AGBL1: variants seen among roughly 807,000 people sequenced by gnomAD.
AGBL1 encodes the protein AGBL carboxypeptidase 1, also known as cytosolic carboxypeptidase 4.
In AGBL1, 130 loss-of-function variants were observed where a neutral mutation model predicts 118.9. The ratio of observed to expected loss-of-function variants is 1.09; its 90% confidence interval spans 0.95 to 1.26. The LOEUF is 1.26. Ranked by LOEUF, AGBL1 falls within the 50% of genes most tolerant of loss-of-function variation. AGBL1 has a pLI of 0.00. For synonymous variants in AGBL1, 555 were observed against 478.9 expected, an observed-to-expected ratio of 1.16 and a Z score of -2.08; for missense variants, 1,584 against 1,298.1, an observed-to-expected ratio of 1.22 and a Z score of -3.38.
chr15:86,533,928 C>G (rs1415811712), intron 19 of AGBL1, among the ~76,000 whole-genome samples: 1 of 83,610 alleles, frequency 1.2e-5, no homozygotes. Flanking sequence ...CACATGGTCA[C>G]AGGAAGGGGA....
intron 22 of AGBL1, among the ~76,000 whole-genome samples, chr15:86,733,917 G>A (rs1169257292): frequency 6.6e-6 from 1 of 151,916 alleles, no homozygotes; most frequent in East Asian, 1.9e-4. Context: ...TACTGCTGAT[G>A]AGACTACACA....
chr15:86,820,186 C>T (rs1288191251), intron 22 of AGBL1, among the ~76,000 whole-genome samples: 1 of 151,926 alleles, frequency 6.6e-6, no homozygotes, highest in African/African-American at 2.4e-5. Context: ...AACTATAAAG[C>T]TTCTGGAAGA....
intron 19 of AGBL1, among the ~76,000 whole-genome samples, chr15:86,533,888 C>A (rs1273259604): frequency 5.5e-5 from 5 of 90,428 alleles, no homozygotes; most frequent in Non-Finnish European, 1.0e-4. Context: ...CGCATATTCT[C>A]ACTCATAGGT....
intron 21 of AGBL1, among the ~76,000 whole-genome samples, chr15:86,647,543 A>T (rs2085303171): frequency 6.6e-6 from 1 of 152,170 alleles, no homozygotes; most frequent in Non-Finnish European, 1.5e-5. Flanking sequence ...TCTACTAAAA[A>T]TACAAAAATT....
At chr15:86,404,398 A>G (rs1458171767) in intron 18 of AGBL1, among the ~76,000 whole-genome samples, 3 of 152,236 alleles carry the variant, frequency 2.0e-5, no homozygotes, top group East Asian at 3.9e-4. Context: ...CTTCTGTTCT[A>G]TGGCTCACTT....
chr15:86,439,127 CAGGGG>C (rs953225497), intron 18 of AGBL1, among the ~76,000 whole-genome samples: 55 of 152,204 alleles, frequency 3.6e-4, no homozygotes, highest in African/African-American at 1.3e-3. Flanking sequence ...GCAGTGTATA[CAGGGG>C]AGCAGCATCT....
chr15:86,798,281 G>A (rs1214914319), intron 22 of AGBL1, among the ~76,000 whole-genome samples: 1 of 152,182 alleles, frequency 6.6e-6, no homozygotes, highest in Non-Finnish European at 1.5e-5. Flanking sequence ...TGACTACTAA[G>A]GAGTCTGGGA....
At chr15:86,369,541 A>C (rs963822065) in intron 17 of AGBL1, among the ~76,000 whole-genome samples, 67 of 152,194 alleles carry the variant, frequency 4.4e-4, no homozygotes, top group Non-Finnish European at 8.4e-4. Flanking sequence ...ACACAAAATC[A>C]GTTGGTTAAA....
At chr15:86,773,516 C>A (rs146164730) in intron 22 of AGBL1, among the ~76,000 whole-genome samples, 4,934 of 123,836 alleles carry the variant, frequency 0.04, 233 homozygotes, top group African/African-American at 0.1. Flanking sequence ...CCCCACCCCA[C>A]AACAGGCCCT....
upstream of AGBL1, chr15:86,079,695 G>A (rs1034522635): frequency 2.3e-5 from 7 of 309,110 alleles, no homozygotes; most frequent in Non-Finnish European, 4.1e-5. Flanking sequence ...AGGTGGGTGA[G>A]TGACTCATGC....
Position 86,458,487 on chromosome 15 carries a change from A to G in AGBL1, c.2555+60941A>G, listed in dbSNP as rs189685817. 1.8e-3 allele frequency among the ~76,000 whole-genome samples: 281 copies of G among 152,310 alleles called. 2 individuals are homozygous for G. Among genetic ancestry groups the G allele is most frequent in the Admixed American group, 4.2e-3 (64 of 15,290 alleles). ...ATTTATAGAAACATGTATACCATTC[A>G]TTCCACGGTAGTCAGTCTGTTACAT... On this transcript the variant is annotated intron_variant, in intron 18 of 22. Coordinates refer to ENST00000614907, the MANE Select transcript of AGBL1 (RefSeq NM_001386094.1).
chr15:86,596,998 A>G (rs1453005427), intron 21 of AGBL1, among the ~76,000 whole-genome samples: 1 of 152,208 alleles, frequency 6.6e-6, no homozygotes, highest in Non-Finnish European at 1.5e-5. Context: ...ATATTTAATA[A>G]ATTCACATGG....
At chr15:86,703,939 G>A (rs376680986) in intron 22 of AGBL1, among the ~76,000 whole-genome samples, 1 of 152,002 alleles carries the variant, frequency 6.6e-6, no homozygotes, top group South Asian at 2.1e-4. Context: ...TACCACAACA[G>A]ATATATAGAC....
At chr15:86,790,835 C>T (rs940477413) in intron 22 of AGBL1, among the ~76,000 whole-genome samples, 1 of 151,966 alleles carries the variant, frequency 6.6e-6, no homozygotes, top group Admixed American at 6.6e-5. Flanking sequence ...GCTCCTGGAA[C>T]ACACCGTATG....
chr15:86,884,083 T>A (rs2079934982), intron 22 of AGBL1, among the ~76,000 whole-genome samples: 1 of 152,220 alleles, frequency 6.6e-6, no homozygotes, highest in African/African-American at 2.4e-5. Context: ...TCTTTCCTCA[T>A]TAAGTTGAGA....
intron 22 of AGBL1, among the ~76,000 whole-genome samples, chr15:86,710,140 A>G (rs555093755): frequency 2.7e-5 from 4 of 150,540 alleles, no homozygotes; most frequent in South Asian, 2.1e-4. Flanking sequence ...TGTCGCACTC[A>G]TCATCCCTTA....
chr15:86,812,539 C>A (rs1408432693), intron 22 of AGBL1, among the ~76,000 whole-genome samples: 4 of 152,170 alleles, frequency 2.6e-5, no homozygotes, highest in African/African-American at 9.7e-5. Context: ...TCCTGTATTT[C>A]CCTTAATGAT....
intron 22 of AGBL1, among the ~76,000 whole-genome samples, chr15:86,843,515 G>GT (rs66576960): frequency 1.8e-4 from 28 of 151,590 alleles, no homozygotes; most frequent in South Asian, 2.1e-4. Flanking sequence ...TCAAGACCCC[G>GT]TTTTTTTTTG....
At chr15:86,118,554 A>G (rs868215109) in intron 1 of AGBL1, among the ~76,000 whole-genome samples, 5 of 152,146 alleles carry the variant, frequency 3.3e-5, no homozygotes, top group Admixed American at 6.5e-5. Flanking sequence ...TGAGTACAGC[A>G]TTGGAGAGCA....
Sources: gnomAD v4.1 joint callset for allele counts (sites outside exome capture counted in the v4.1 genomes callset) on GRCh38, gnomAD v4.1.1 for gene constraint, MANE v1.5 for transcripts, NCBI Gene and HGNC (gene_info 2026-07-23, HGNC 2026-07-21) for gene names.